The following SLC6A7 variants were observed in gnomAD, a reference collection of about 807,000 sequenced individuals.
SLC6A7 encodes solute carrier family 6 member 7.
In SLC6A7, 58 loss-of-function variants were observed where a neutral mutation model predicts 73.1. That is an observed-to-expected ratio of 0.79 (90% CI 0.64 to 0.99). The LOEUF (loss-of-function observed/expected upper bound fraction) is 0.99. Among genes scored for constraint, SLC6A7 ranks in the 50% least tolerant of loss-of-function variants. The pLI, the probability that SLC6A7 is intolerant of heterozygous loss-of-function variation, is 0.00. For synonymous variants in SLC6A7, 338 were observed against 338.7 expected (o/e 1.00, Z 0.02); for missense variants, 783 against 831.4 (o/e 0.94, Z 0.72).
In SLC6A7 at chr5:150,203,820, G is replaced by GTGGTGTGTGTGTGTGT. The variant is rs1554116761; in HGVS notation, c.1200+41_1200+42insTGGTGTGTGTGTGTGT. 3 of 750,498 alleles carry GTGGTGTGTGTGTGTGT rather than the reference G, an allele frequency of 4.0e-6. No homozygotes were observed. In the African/African-American group the frequency reaches 6.3e-5, roughly 16 times the overall value. 46.5% of individuals were successfully genotyped at this position (750,498 alleles called of 1,614,324 possible). A position where few individuals can be genotyped will look rare whatever the true frequency, so the allele number is the denominator to read the frequency against. On this transcript the variant is annotated intron_variant, in intron 9 of 13. Transcript: ENST00000230671. ...GGCAGCAGGCACCCCGTGTGTGTGT[G>GTGGTGTGTGTGTGTGT]GTGTGTGTGTGTGTGTGTGTGTGTG... is the stretch of plus-strand genomic sequence containing the variant.
intron 7 of SLC6A7, 57 bp from the exon 8 acceptor site, chr5:150,202,522 C>T (rs1254379827): frequency 3.7e-6 from 6 of 1,610,922 alleles, no homozygotes; most frequent in Non-Finnish European, 5.1e-6. Context: ...GGGAGGGCCT[C>T]AGAGGCTGAA....
chr5:150,190,425 A>C, intron 1 of SLC6A7, 65 bp downstream of exon 1: 1 of 1,163,260 alleles, frequency 8.6e-7, no homozygotes, highest in Non-Finnish European at 1.2e-6. Context: ...CCCGCCCCCA[A>C]CGAGGCCCCT....
intron 2 of SLC6A7, among the ~76,000 whole-genome samples, chr5:150,195,433 G>A (rs530820269): frequency 2.0e-4 from 30 of 152,310 alleles, no homozygotes; most frequent in Non-Finnish European, 3.5e-4. Flanking sequence ...ATCAAGTGAC[G>A]GTTCCAAGTC....
chr5:150,191,733 A>G (rs1184889132), intron 1 of SLC6A7, among the ~76,000 whole-genome samples: 2 of 151,844 alleles, frequency 1.3e-5, no homozygotes, highest in African/African-American at 4.8e-5. Flanking sequence ...CCCAGCTGGT[A>G]TGTCTTTTTT....
intron 1 of SLC6A7, among the ~76,000 whole-genome samples, chr5:150,194,108 C>A (rs1752902797): frequency 6.6e-6 from 1 of 152,218 alleles, no homozygotes; most frequent in Non-Finnish European, 1.5e-5. Context: ...TCATGCTCTT[C>A]ATCTTCGTCA....
chr5:150,209,300 C>A (rs1580876873), intron 13 of SLC6A7, 106 bp from the exon 14 acceptor site: 2 of 926,944 alleles, frequency 2.2e-6, no homozygotes, highest in South Asian at 2.9e-5. Flanking sequence ...GTGGCCAGGA[C>A]TCCCCCAGTG....
chr5:150,197,343 T>TG (rs1753087797), intron 4 of SLC6A7, 67 bp downstream of exon 4: 5 of 1,030,874 alleles, frequency 4.9e-6, no homozygotes, highest in Non-Finnish European at 7.2e-6. Flanking sequence ...CCAGAGGGCA[T>TG]CCCCCACAGT....
intron 1 of SLC6A7, 102 bp downstream of exon 1, chr5:150,190,462 C>A (rs1752724592): frequency 3.9e-6 from 3 of 767,536 alleles, no homozygotes; most frequent in South Asian, 2.2e-5. Flanking sequence ...TGCACCCAGA[C>A]CAGCTTCGGG....
In SLC6A7 at chr5:150,190,153, C is replaced by A. The variant is rs973592900; in HGVS notation, c.-175C>A. On this transcript the variant is annotated 5_prime_UTR_variant, in exon 1 of 14. Coordinates refer to ENST00000230671, the MANE Select transcript of SLC6A7 (RefSeq NM_014228.5). The stretch of plus-strand genomic sequence containing the variant: ...GCAGGGACAGACAAGGCATTCGCAG[C>A]GCCCTGCCCGCGCTCCACGCCCGCA... The A allele has an allele frequency of 5.9e-6, 3 of 506,834 alleles. No homozygotes were observed. The Admixed American group carries it at 1.3e-4, about 22-fold the overall frequency. 31.4% of individuals were successfully genotyped at this position (506,834 alleles called of 1,614,324 possible).
At chr5:150,196,950 A>G in intron 3 of SLC6A7, 92 bp from the exon 4 acceptor site, 7 of 1,528,640 alleles carry the variant, frequency 4.6e-6, no homozygotes, top group Non-Finnish European at 5.4e-6. Flanking sequence ...GGTGGAAGTG[A>G]AGCCCAGATA....
chr5:150,210,114 C>T lies in SLC6A7; in HGVS notation c.*499C>T, dbSNP rs796458577. On this transcript the variant is annotated 3_prime_UTR_variant, in exon 14 of 14. Coordinates refer to ENST00000230671, the MANE Select transcript of SLC6A7 (RefSeq NM_014228.5). ...AGGGCTACAGAGGCTCTTGAGGCTC[C>T]GAGGCCCTGGGGATCAAAGGTCAAT... is the stretch of plus-strand genomic sequence containing the variant. 7.9e-5 allele frequency: 13 copies of T among 163,648 alleles called. No homozygotes were observed. Among genetic ancestry groups the T allele is most frequent in the African/African-American group, 1.9e-4 (8 of 41,876 alleles). The allele number at this position is 163,648 out of a possible 1,614,324, so 10.1% of individuals were successfully genotyped here.
intron 13 of SLC6A7, among the ~76,000 whole-genome samples, chr5:150,205,961 G>A (rs1753678771): frequency 6.6e-6 from 1 of 152,208 alleles, no homozygotes; most frequent in African/African-American, 2.4e-5. Context: ...TGGCGACAGT[G>A]AGGGACCCCA....
intron 5 of SLC6A7, among the ~76,000 whole-genome samples, chr5:150,200,160 T>C (rs1335674715): frequency 6.6e-6 from 1 of 152,148 alleles, no homozygotes; most frequent in Admixed American, 6.5e-5. Context: ...ATGTCTACTT[T>C]AGGTGATGAA....
intron 2 of SLC6A7, 40 bp downstream of exon 2, chr5:150,194,951 T>C (rs1228258121): frequency 3.2e-6 from 5 of 1,576,184 alleles, no homozygotes; most frequent in Non-Finnish European, 4.4e-6. Context: ...TCTGGGGTGA[T>C]GGGCCAAGGC....
intron 6 of SLC6A7, 136 bp downstream of exon 6, chr5:150,201,359 T>TA: frequency 2.1e-6 from 1 of 477,446 alleles, no homozygotes; most frequent in Non-Finnish European, 3.5e-6. Flanking sequence ...TTATTATTGT[T>TA]ATTTTTTTCT....
At chr5:150,207,072 A>G (rs1753735729) in intron 13 of SLC6A7, among the ~76,000 whole-genome samples, 1 of 152,132 alleles carries the variant, frequency 6.6e-6, no homozygotes, top group South Asian at 2.1e-4. Flanking sequence ...TGCCTCTGCC[A>G]TTTGCCAGCC....
intron 2 of SLC6A7, 60 bp downstream of exon 2, chr5:150,194,971 C>T (rs17652448): frequency 0.033 from 49,687 of 1,492,382 alleles, 1,110 homozygotes; most frequent in East Asian, 0.12. Context: ...CCCTGGGGTA[C>T]AGTGAGCTTT....
At chr5:150,200,516 C>T (rs186592405) in intron 5 of SLC6A7, among the ~76,000 whole-genome samples, 118 of 152,268 alleles carry the variant, frequency 7.7e-4, no homozygotes, top group African/African-American at 2.8e-3. Context: ...AAGAAAAACT[C>T]AGAAACCTTC....
chr5:150,198,050 AG>A (rs1319662544), intron 4 of SLC6A7, among the ~76,000 whole-genome samples: 2 of 24,768 alleles, frequency 8.1e-5, no homozygotes, highest in East Asian at 1.2e-3. Flanking sequence ...AAGAAGAAAG[AG>A]AAAGAAAGAA....
Sources: allele counts gnomAD v4.1 joint callset (sites outside exome capture counted in the v4.1 genomes callset), GRCh38; gene constraint gnomAD v4.1.1; transcripts MANE v1.5; gene names NCBI Gene and HGNC (gene_info 2026-07-23, HGNC 2026-07-21).